INPP4B: variants seen among roughly 807,000 people sequenced by gnomAD.
INPP4B encodes the protein inositol polyphosphate-4-phosphatase type II B, also known as inositol polyphosphate 4-phosphatase type II.
INPP4B carries 55 observed loss-of-function variants against 122.5 expected under a neutral mutation model. The ratio of observed to expected loss-of-function variants is 0.45; its 90% CI spans 0.36 to 0.56. The LOEUF is 0.56. INPP4B is among the 20% of genes least tolerant of loss of function. INPP4B has a pLI of 0.00. For synonymous variants in INPP4B, 403 were observed against 388.7 expected (o/e 1.04, Z -0.43); for missense variants, 1,000 against 1,097.7 (o/e 0.91, Z 1.26).
At chr4:142,231,786 C>T (rs1039578304) in intron 12 of INPP4B, among the ~76,000 whole-genome samples, 7 of 152,070 alleles carry the variant, frequency 4.6e-5, no homozygotes, top group African/African-American at 1.4e-4. Flanking sequence ...CACACCAACT[C>T]ACAATTGTTT....
intron 1 of INPP4B, among the ~76,000 whole-genome samples, chr4:142,769,250 G>T (rs540777521): frequency 6.6e-6 from 1 of 152,124 alleles, no homozygotes. Context: ...TGGCTTTGAA[G>T]GGTCTACCTA....
At chr4:142,452,958 A>G (rs1814632516) in intron 3 of INPP4B, among the ~76,000 whole-genome samples, 1 of 152,172 alleles carries the variant, frequency 6.6e-6, no homozygotes, top group African/African-American at 2.4e-5. Flanking sequence ...TGCTGGATGG[A>G]TAAAGACTTT....
intron 18 of INPP4B, among the ~76,000 whole-genome samples, chr4:142,134,611 C>T (rs1345747605): frequency 1.3e-5 from 2 of 151,902 alleles, no homozygotes; most frequent in Non-Finnish European, 2.9e-5. Context: ...GCCTGAACAA[C>T]ATGGAGAAAC....
At chr4:142,820,049 G>A (rs1203031893) in intron 1 of INPP4B, among the ~76,000 whole-genome samples, 4 of 152,090 alleles carry the variant, frequency 2.6e-5, no homozygotes, top group African/African-American at 9.7e-5. Context: ...CCTTGTCTCA[G>A]GCTCTGCTCC....
chr4:142,285,351 G>A (rs1220207345), intron 9 of INPP4B, among the ~76,000 whole-genome samples: 7 of 122,380 alleles, frequency 5.7e-5, no homozygotes, highest in Admixed American at 3.1e-4. Context: ...CATGAAATAA[G>A]GGGAGGTGAC....
At chr4:142,490,532 C>T (rs1387160499) in intron 2 of INPP4B, among the ~76,000 whole-genome samples, 1 of 151,974 alleles carries the variant, frequency 6.6e-6, no homozygotes, top group Non-Finnish European at 1.5e-5. Flanking sequence ...TTAACCTATC[C>T]ATTACCTCAT....
At chr4:142,624,212 C>T (rs1745709793) in intron 2 of INPP4B, among the ~76,000 whole-genome samples, 1 of 152,034 alleles carries the variant, frequency 6.6e-6, no homozygotes, top group Non-Finnish European at 1.5e-5. Context: ...TATTTCTCCA[C>T]ATCCTCTCCC....
intron 2 of INPP4B, among the ~76,000 whole-genome samples, chr4:142,610,092 C>T (rs1424326143): frequency 6.6e-6 from 1 of 152,106 alleles, no homozygotes; most frequent in Non-Finnish European, 1.5e-5. Context: ...TGAATTGCAA[C>T]AGTCCCCATG....
At chr4:142,326,263 A>G (rs1182232319) in intron 7 of INPP4B, among the ~76,000 whole-genome samples, 1 of 152,218 alleles carries the variant, frequency 6.6e-6, no homozygotes, top group Non-Finnish European at 1.5e-5. Context: ...AAAGCTGTAC[A>G]AAGTAGGACA....
intron 23 of INPP4B, among the ~76,000 whole-genome samples, chr4:142,090,696 T>C (rs1779117535): frequency 7.6e-6 from 1 of 131,434 alleles, no homozygotes; most frequent in Non-Finnish European, 1.7e-5. Context: ...CATATCTCCA[T>C]AATAGTATTC....
chr4:142,404,763 C>G lies in INPP4B; in HGVS notation c.255+443G>C, dbSNP rs187002714. On this transcript the variant is annotated intron_variant, in intron 6 of 25. Coordinates refer to ENST00000262992, the MANE Select transcript of INPP4B (RefSeq NM_001101669.3). Reference sequence around the variant, plus strand: ...TACCGGGGGGAAAAAAAGCAAAAACCCTTAACATGTTTAAAATTTCTCTGG... The same window carrying G: ...TACCGGGGGGAAAAAAAGCAAAAACGCTTAACATGTTTAAAATTTCTCTGG... Among the ~76,000 whole-genome samples the G allele has an allele frequency of 1.4e-4, 22 of 152,048 alleles. No individual in the cohort carries two copies. The East Asian group carries it at 3.7e-3, about 25-fold the overall frequency.
At chr4:142,523,080 G>A (rs573685113) in intron 2 of INPP4B, among the ~76,000 whole-genome samples, 2 of 152,206 alleles carry the variant, frequency 1.3e-5, no homozygotes, top group South Asian at 4.1e-4. Flanking sequence ...TCCAAGCTGT[G>A]GTTTGGAGGA....
At chr4:142,205,588 A>G (rs1009209819) in intron 14 of INPP4B, among the ~76,000 whole-genome samples, 2 of 152,144 alleles carry the variant, frequency 1.3e-5, no homozygotes, top group Non-Finnish European at 2.9e-5. Flanking sequence ...TAATAAAGCT[A>G]CCATTATTTT....
chr4:142,203,049 A>G (rs1841332840), intron 14 of INPP4B, among the ~76,000 whole-genome samples: 1 of 152,126 alleles, frequency 6.6e-6, no homozygotes, highest in African/African-American at 2.4e-5. Flanking sequence ...ATCCCCAAAG[A>G]GAATCCACGA....
In INPP4B at chr4:142,537,423, TATATATAGAGAG is replaced by T. The variant is rs1263854525; in HGVS notation, c.-190-74709_-190-74698del. Among the ~76,000 whole-genome samples, 164 of 47,988 alleles carry T rather than the reference TATATATAGAGAG, an allele frequency of 3.4e-3. 1 individual carries two copies. Among genetic ancestry groups the T allele is most frequent in the Middle Eastern group, 0.011 (1 of 88 alleles). 31.5% of individuals were successfully genotyped at this position (47,988 alleles called of 152,430 possible). A position where few individuals can be genotyped will look rare whatever the true frequency, so the allele number is the denominator to read the frequency against. ...CAGTATATATATATATATATATATA[TATATATAGAGAG>T]AGAGAGAGAGAGAGAGAGAGAGAGA... is the stretch of plus-strand genomic sequence containing the variant. On this transcript the variant is annotated intron_variant, in intron 2 of 25. Coordinates refer to ENST00000262992, the MANE Select transcript of INPP4B (RefSeq NM_001101669.3).
chr4:142,077,416 TTTTTG>T (rs1771398771), intron 25 of INPP4B, among the ~76,000 whole-genome samples: 1 of 152,006 alleles, frequency 6.6e-6, no homozygotes, highest in South Asian at 2.1e-4. Flanking sequence ...TACAATGGTA[TTTTTG>T]TTTTAATTTA....
intron 5 of INPP4B, among the ~76,000 whole-genome samples, chr4:142,424,687 A>C (rs898897909): frequency 2.0e-5 from 3 of 152,086 alleles, no homozygotes; most frequent in Non-Finnish European, 4.4e-5. Context: ...TCTAAAAATT[A>C]AATAATAGCT....
chr4:142,054,387 C>T (rs1756416309), intron 25 of INPP4B, among the ~76,000 whole-genome samples: 1 of 151,924 alleles, frequency 6.6e-6, no homozygotes, highest in Non-Finnish European at 1.5e-5. Context: ...AGCCTCATTT[C>T]AAGTTCCACC....
intron 7 of INPP4B, among the ~76,000 whole-genome samples, chr4:142,324,862 C>T (rs1771734869): frequency 6.6e-6 from 1 of 152,128 alleles, no homozygotes; most frequent in Admixed American, 6.5e-5. Context: ...AAAAAAATGG[C>T]CACTTACTTG....
Sources: allele counts gnomAD v4.1 joint callset (sites outside exome capture counted in the v4.1 genomes callset), GRCh38; gene constraint gnomAD v4.1.1; transcripts MANE v1.5; gene names NCBI Gene and HGNC (gene_info 2026-07-23, HGNC 2026-07-21).